ZNF786: variants seen among roughly 807,000 people sequenced by gnomAD.
ZNF786 encodes zinc finger protein 786.
ZNF786 carries 56 observed loss-of-function variants against 63.1 expected under a neutral mutation model. That is an observed-to-expected ratio of 0.89 (90% CI 0.72 to 1.11). The LOEUF (loss-of-function observed/expected upper bound fraction) is 1.11, where lower values mean the gene tolerates loss of function less well. Ranked by LOEUF, ZNF786 falls within the 50% of genes least tolerant of loss-of-function variation. The pLI, the probability that ZNF786 is intolerant of heterozygous loss-of-function variation, is 0.00. For synonymous variants in ZNF786, 485 were observed against 406.9 expected (o/e 1.19, Z -2.31); for missense variants, 1,213 against 1,041.8 (o/e 1.16, Z -2.26).
intron 2 of ZNF786, among the ~76,000 whole-genome samples, chr7:149,078,970 C>G (rs1309367326): frequency 1.3e-5 from 2 of 152,170 alleles, no homozygotes; most frequent in Admixed American, 6.5e-5. Context: ...GAACTAATGC[C>G]TAATTTTTCA....
At chr7:149,079,404 G>A (rs1267030605) in intron 2 of ZNF786, among the ~76,000 whole-genome samples, 2 of 149,490 alleles carry the variant, frequency 1.3e-5, no homozygotes, top group Non-Finnish European at 3.0e-5. Context: ...GCCAGACTCC[G>A]TCTCAAAAAA....
rs771162815 is a variant in ZNF786, at chr7:149,072,279, T to G, written c.493A>C (p.Ile165Leu). 10 of 1,613,648 alleles carry G rather than the reference T, an allele frequency of 6.2e-6. No individual in the cohort carries two copies. The highest frequency in any genetic ancestry group is 8.5e-6 in the Non-Finnish European group (10 of 1,179,796). Residue 165 changes from isoleucine to leucine, a missense_variant, in exon 4 of 4, where the codon ATC (isoleucine) becomes CTC (leucine). Physicochemically the swap from Ile to Leu is conservative, Grantham distance 5. Coordinates refer to ENST00000491431, the MANE Select transcript of ZNF786 (RefSeq NM_152411.4). ...AGATCCAGATTTCTGGGACCTGGGA[T>G]TCCTTCTTTTAGGGTAGATTCACTG... ...GPSESTLKEG[I>L]PGPRNLDLPG... is the part of the protein sequence containing the mutation.
Position 149,070,809 on chromosome 7 carries a change from T to C in ZNF786, c.1963A>G (p.Lys655Glu), listed in dbSNP as rs772848173. The change falls in exon 4 of 4, where the codon AAG (lysine) becomes GAG (glutamate). Residue 655 changes from lysine (K) to glutamate (E), a missense_variant. Lys to Glu is a moderately conservative substitution (Grantham distance 56). Transcript: ENST00000491431. ...AGCTTTGAGTGTTTCACAAAGCCCTTGCCGCACTCACAGGAGAAAGGCATC... is the reference window on the plus strand; with the variant it reads ...AGCTTTGAGTGTTTCACAAAGCCCTCGCCGCACTCACAGGAGAAAGGCATC... Reference protein sequence around the residue: ...GEMPFSCECGKGFVKHSKLIE... With the variant: ...GEMPFSCECGEGFVKHSKLIE... 2 of 1,613,838 alleles carry C rather than the reference T, an allele frequency of 1.2e-6. No individual in the cohort carries two copies. Among genetic ancestry groups the C allele is most frequent in the South Asian group, 2.2e-5 (2 of 91,086 alleles).
intron 3 of ZNF786, among the ~76,000 whole-genome samples, chr7:149,073,735 GTGTGTGTGTGTGTA>G (rs1432387438): frequency 1.5e-4 from 10 of 66,516 alleles, no homozygotes; most frequent in African/African-American, 5.7e-4. Context: ...GTGTGTGTGT[GTGTGTGTGTGTGTA>G]TATATATATA....
intron 2 of ZNF786, among the ~76,000 whole-genome samples, chr7:149,077,784 G>C (rs775846965): frequency 9.2e-5 from 14 of 151,952 alleles, no homozygotes; most frequent in Non-Finnish European, 1.2e-4. Context: ...TGACGATGAT[G>C]GATAATCACA....
At chr7:149,090,315 T>G (rs1231776862) in intron 1 of ZNF786, among the ~76,000 whole-genome samples, 1 of 152,206 alleles carries the variant, frequency 6.6e-6, no homozygotes, top group Non-Finnish European at 1.5e-5. Flanking sequence ...CCCCAAACCT[T>G]TCTATCCTTT....
chr7:149,072,099 C>A lies in ZNF786; in HGVS notation c.673G>T (p.Ala225Ser). 1 of 1,613,198 alleles carries A rather than the reference C, an allele frequency of 6.2e-7. No homozygotes were observed. The highest frequency in any genetic ancestry group is 1.1e-5 in the South Asian group (1 of 90,968). Reference protein sequence around the residue: ...RRAWEKFNKRAETQMPWSSPR... With the variant: ...RRAWEKFNKRSETQMPWSSPR... ...CTGCTCCACGGCATCTGCGTCTCCG[C>A]CCTCTTGTTGAATTTCTCCCAGGCC... The change falls in exon 4 of 4, where the codon GCG becomes TCG. Residue 225 changes from alanine (A) to serine (S), a missense_variant. By Grantham distance (99) the Ala-to-Ser change is moderately conservative. Transcript: ENST00000491431.
intron 1 of ZNF786, among the ~76,000 whole-genome samples, chr7:149,090,294 T>A (rs1162467200): frequency 6.6e-6 from 1 of 152,224 alleles, no homozygotes; most frequent in Non-Finnish European, 1.5e-5. Flanking sequence ...ACCTGTAACA[T>A]CCACCTCTGG....
chr7:149,076,412 G>C (rs1395161291), intron 2 of ZNF786, among the ~76,000 whole-genome samples: 1 of 147,942 alleles, frequency 6.8e-6, no homozygotes, highest in East Asian at 2.2e-4. Flanking sequence ...ACCGTGCCCG[G>C]CCTATATTGC....
chr7:149,077,867 C>CTTT (rs373659985), intron 2 of ZNF786, among the ~76,000 whole-genome samples: 1 of 139,600 alleles, frequency 7.2e-6, no homozygotes, highest in Non-Finnish European at 1.6e-5. Flanking sequence ...ATAATTTTGT[C>CTTT]TTTTTTTTTT....
intron 3 of ZNF786, 68 bp downstream of exon 3, chr7:149,074,318 G>T: frequency 3.8e-6 from 6 of 1,572,458 alleles, no homozygotes; most frequent in South Asian, 1.2e-5. Flanking sequence ...AGGATGACAA[G>T]ATCAGAGAAG....
rs1486971218 is a variant in ZNF786, at chr7:149,070,728, C to G, written c.2044G>C (p.Asp682His). 1.2e-6 allele frequency: 2 copies of G among 1,612,372 alleles called. No homozygotes were observed. Among genetic ancestry groups the G allele is most frequent in the East Asian group, 2.2e-5 (1 of 44,810 alleles). The change falls in exon 4 of 4, where the codon GAC becomes CAC. Residue 682 changes from aspartate to histidine, a missense_variant. Transcript: ENST00000491431. Reference sequence around the variant, plus strand: ...TGCGCCTTCAGGCGGAAACTCTTGTCACACTTGGGACACTGAAAAGGCTTC... The same window carrying G: ...TGCGCCTTCAGGCGGAAACTCTTGTGACACTTGGGACACTGAAAAGGCTTC... ...GEKPFQCPKC[D>H]KSFRLKAQLL...
At chr7:149,073,755 A>ATATATG (rs1249598084) in intron 3 of ZNF786, among the ~76,000 whole-genome samples, 12 of 72,464 alleles carry the variant, frequency 1.7e-4, no homozygotes, top group Non-Finnish European at 3.0e-4. Flanking sequence ...GTGTATATAT[A>ATATATG]TATATATATA....
chr7:149,071,536 C>T lies in ZNF786; in HGVS notation c.1236G>A (p.Leu412=). The change falls in exon 4 of 4, where the codon CTG becomes CTA. Residue 412 remains leucine (L), a synonymous_variant. Transcript: ENST00000491431. Reference sequence around the variant, plus strand: ...CACCGTGCGCGTGCTGGTGGACCTGCAGCAGGCGGCGCAGGCGGAAGCGCT... The same window carrying T: ...CACCGTGCGCGTGCTGGTGGACCTGTAGCAGGCGGCGCAGGCGGAAGCGCT... ...CTKRFRLRRL[L]QVHQHAHGGE... 4 of 1,613,208 alleles carry T rather than the reference C, an allele frequency of 2.5e-6. No individual in the cohort carries two copies. The highest frequency in any genetic ancestry group is 3.4e-6 in the Non-Finnish European group (4 of 1,179,866).
intron 3 of ZNF786, among the ~76,000 whole-genome samples, chr7:149,073,374 G>A (rs985210883): frequency 4.6e-5 from 7 of 152,200 alleles, no homozygotes; most frequent in Admixed American, 2.6e-4. Flanking sequence ...AGGAAGCCAC[G>A]TTAGTCATGA....
At chr7:149,079,114 T>TA (rs1225670195) in intron 2 of ZNF786, among the ~76,000 whole-genome samples, 1 of 151,954 alleles carries the variant, frequency 6.6e-6, no homozygotes, top group Non-Finnish European at 1.5e-5. Context: ...AATGTGGAGA[T>TA]AAGAATGAAA....
In ZNF786 at chr7:149,070,900, C is replaced by G. The variant is rs754133533; in HGVS notation, c.1872G>C (p.Pro624=). Residue 624 remains proline (P), a synonymous_variant, in exon 4 of 4, where the codon CCG becomes CCC. Coordinates refer to ENST00000491431, the MANE Select transcript of ZNF786 (RefSeq NM_152411.4). ...LHTGERPFQC[P]ECDKRYRVKA... is the part of the protein sequence containing the mutation. ...TCACGCGATAGCGCTTGTCGCACTC[C>G]GGACACTGGAAGGGCCTCTCTCCCG... 2 of 1,611,492 alleles carry G rather than the reference C, an allele frequency of 1.2e-6. No individual in the cohort carries two copies. The highest frequency in any genetic ancestry group is 1.7e-6 in the Non-Finnish European group (2 of 1,179,406).
chr7:149,089,609 G>A (rs996142623), intron 1 of ZNF786, among the ~76,000 whole-genome samples: 6 of 151,956 alleles, frequency 3.9e-5, no homozygotes, highest in East Asian at 1.9e-4. Flanking sequence ...AAACCACGGC[G>A]CCTGGCCTGA....
chr7:149,078,126 G>A (rs563013074), intron 2 of ZNF786, among the ~76,000 whole-genome samples: 1 of 151,874 alleles, frequency 6.6e-6, no homozygotes, highest in East Asian at 2.0e-4. Flanking sequence ...GCCTCCAAAA[G>A]TGCTGGGATT....
Sources: allele counts gnomAD v4.1 joint callset (sites outside exome capture counted in the v4.1 genomes callset), GRCh38; gene constraint gnomAD v4.1.1; transcripts MANE v1.5; gene names NCBI Gene and HGNC (gene_info 2026-07-23, HGNC 2026-07-21).